HIP1: variants seen among roughly 807,000 people sequenced by gnomAD.
The protein encoded by HIP1 is huntingtin-interacting protein 1.
HIP1 carries 65 observed loss-of-function variants against 147.6 expected under a neutral mutation model. That is an observed-to-expected ratio of 0.44 (90% CI 0.36 to 0.54). The LOEUF (loss-of-function observed/expected upper bound fraction) is 0.54, where lower values mean the gene tolerates loss of function less well. HIP1 is among the 20% of genes least tolerant of loss of function. The probability of loss-of-function intolerance (pLI) is 0.00; values close to 1 mark genes in which losing one functional copy is unlikely to be tolerated. For synonymous variants in HIP1, 479 were observed against 504.0 expected, an observed-to-expected ratio of 0.95 and a Z score of 0.67; for missense variants, 1,061 against 1,299.6, an observed-to-expected ratio of 0.82 and a Z score of 2.82.
intron 4 of HIP1, among the ~76,000 whole-genome samples, chr7:75,589,726 T>G (rs1173941692): frequency 1.6e-4 from 24 of 150,056 alleles, no homozygotes; most frequent in African/African-American, 2.2e-4. Context: ...GACTTTTTTT[T>G]TGGGTTTTTT....
chr7:75,586,945 AT>A, intron 4 of HIP1, 112 bp from the exon 5 acceptor site: 1 of 720,830 alleles, frequency 1.4e-6, no homozygotes, highest in Non-Finnish European at 2.5e-6. Context: ...TCTCCCCTTT[AT>A]TTTATTTATT....
rs184054350 is a variant in HIP1 at position 75,683,032 on chromosome 7, G to A, written c.120+55769C>T. On this transcript the variant is annotated intron_variant, in intron 1 of 30. Coordinates refer to ENST00000336926, the MANE Select transcript of HIP1 (RefSeq NM_005338.7). ...GAGTCTCGCTCTGTCGCCCAGGCTAGAGTGCAGTGGTGCGATCTCGGCTCA... is the reference window on the plus strand; with the variant it reads ...GAGTCTCGCTCTGTCGCCCAGGCTAAAGTGCAGTGGTGCGATCTCGGCTCA... 2.4e-3 allele frequency among the ~76,000 whole-genome samples: 360 copies of A among 152,014 alleles called. 1 individual carries two copies. The highest frequency in any genetic ancestry group is 4.2e-3 in the Non-Finnish European group (285 of 67,966).
chr7:75,673,826 A>C (rs1201114108), intron 1 of HIP1, among the ~76,000 whole-genome samples: 2 of 150,086 alleles, frequency 1.3e-5, no homozygotes, highest in Admixed American at 6.7e-5. Flanking sequence ...TCTACAAAAA[A>C]AAAAAAAAAA....
At chr7:75,720,571 T>A (rs1354457215) in intron 1 of HIP1, among the ~76,000 whole-genome samples, 6 of 152,236 alleles carry the variant, frequency 3.9e-5, no homozygotes, top group Non-Finnish European at 7.3e-5. Context: ...GCTGCCAGCC[T>A]GCAATCACTT....
intron 1 of HIP1, among the ~76,000 whole-genome samples, chr7:75,620,770 C>T (rs1797821406): frequency 6.6e-6 from 1 of 151,944 alleles, no homozygotes; most frequent in Non-Finnish European, 1.5e-5. Flanking sequence ...CCTCACGGAG[C>T]TTATATTTTA....
At chr7:75,699,316 A>G (rs1554519010) in intron 1 of HIP1, among the ~76,000 whole-genome samples, 1 of 152,142 alleles carries the variant, frequency 6.6e-6, no homozygotes, top group South Asian at 2.1e-4. Flanking sequence ...TTGCTGATAT[A>G]CTAGAAAATA....
intron 1 of HIP1, among the ~76,000 whole-genome samples, chr7:75,690,371 A>G (rs1800408388): frequency 6.6e-6 from 1 of 152,218 alleles, no homozygotes; most frequent in Admixed American, 6.5e-5. Context: ...AAGACGCTTA[A>G]CATCATTAGC....
At chr7:75,660,533 G>A (rs945171110) in intron 1 of HIP1, among the ~76,000 whole-genome samples, 3 of 151,916 alleles carry the variant, frequency 2.0e-5, no homozygotes, top group Admixed American at 2.0e-4. Flanking sequence ...TCTCAAAAAC[G>A]AAAACACACA....
chr7:75,730,255 G>C (rs568706339), intron 1 of HIP1, among the ~76,000 whole-genome samples: 1 of 152,218 alleles, frequency 6.6e-6, no homozygotes, highest in South Asian at 2.1e-4. Context: ...GAAGAGAGCA[G>C]AGGGTGCCAG....
At chr7:75,629,671 T>G (rs1390247163) in intron 1 of HIP1, among the ~76,000 whole-genome samples, 1 of 152,002 alleles carries the variant, frequency 6.6e-6, no homozygotes. Context: ...GCCTCCTGAA[T>G]AGCTGGGATT....
chr7:75,729,305 CAAAAAAAAA>C (rs35202804), intron 1 of HIP1, among the ~76,000 whole-genome samples: 8 of 49,210 alleles, frequency 1.6e-4, no homozygotes, highest in African/African-American at 4.1e-4. Flanking sequence ...CTTGTCTCTG[CAAAAAAAAA>C]AAAAAAAAAA....
rs1459485440 is a variant in HIP1, at chr7:75,595,219, T to C, written c.185-2705A>G. 4.4e-5 allele frequency among the ~76,000 whole-genome samples: 4 copies of C among 90,568 alleles called. No individual in the cohort carries two copies. The South Asian group carries it at 1.7e-3, about 37-fold the overall frequency. The allele number at this position is 90,568 out of a possible 152,430, so 59.4% of individuals were successfully genotyped here. On this transcript the variant is annotated intron_variant, in intron 2 of 30. Coordinates refer to ENST00000336926, the MANE Select transcript of HIP1 (RefSeq NM_005338.7). ...TTCTTTCTTTCTTTCTTTCTTTCTT[T>C]CTTTCTTTCTTTCTTTCTTTCTTTC...
chr7:75,657,219 A>C (rs1226238016), intron 1 of HIP1, among the ~76,000 whole-genome samples: 5 of 152,210 alleles, frequency 3.3e-5, no homozygotes, highest in African/African-American at 1.2e-4. Context: ...ACACCATAGA[A>C]TACTACGTAG....
In HIP1 at chr7:75,539,336, C is replaced by G. The variant is rs1584766852; in HGVS notation, c.3048G>C (p.Glu1016Asp). 6.2e-7 allele frequency: 1 copy of G among 1,613,852 alleles called. No individual in the cohort carries two copies. Residue 1016 changes from glutamate to aspartate, a missense_variant, in exon 30 of 31, where the codon GAG becomes GAC. Physicochemically the swap from Glu to Asp is conservative, Grantham distance 45 (BLOSUM62 2). Coordinates refer to ENST00000336926, the MANE Select transcript of HIP1 (RefSeq NM_005338.7). ...GAGTCAGCTTACCTTCTTCCCAGCC[C>G]TCAGCAACACCAGCAAGCTCGTAGT... is the stretch of plus-strand genomic sequence containing the variant. Reference protein sequence around the residue: ...KKHYELAGVAEGWEEGTEASP... With the variant: ...KKHYELAGVADGWEEGTEASP...
At chr7:75,674,986 G>T (rs1355455773) in intron 1 of HIP1, among the ~76,000 whole-genome samples, 2 of 151,412 alleles carry the variant, frequency 1.3e-5, no homozygotes, top group Non-Finnish European at 2.9e-5. Context: ...ATTTTTCATC[G>T]AATTTAGCAT....
intron 1 of HIP1, among the ~76,000 whole-genome samples, chr7:75,671,770 G>A (rs1235264108): frequency 1.1e-5 from 1 of 87,028 alleles, no homozygotes; most frequent in South Asian, 3.6e-4. Context: ...ATGGAGTCTC[G>A]CTCTACCAGG....
At chr7:75,563,690 C>T (rs782635908) in intron 9 of HIP1, among the ~76,000 whole-genome samples, 9 of 152,184 alleles carry the variant, frequency 5.9e-5, no homozygotes, top group Non-Finnish European at 1.3e-4. Context: ...TTCATTACTT[C>T]TCTTTGTTTT....
intron 1 of HIP1, among the ~76,000 whole-genome samples, chr7:75,677,408 C>A (rs1554516203): frequency 1.3e-5 from 2 of 149,384 alleles, no homozygotes; most frequent in African/African-American, 4.9e-5. Flanking sequence ...GAGTTCGAAA[C>A]CACCTGGCCA....
intron 1 of HIP1, among the ~76,000 whole-genome samples, chr7:75,696,958 A>C (rs1800660285): frequency 6.8e-6 from 1 of 148,014 alleles, no homozygotes; most frequent in Non-Finnish European, 1.5e-5. Flanking sequence ...TCCTCCCCCC[A>C]TCCCAAAATG....
Sources: allele counts gnomAD v4.1 joint callset (sites outside exome capture counted in the v4.1 genomes callset), GRCh38; gene constraint gnomAD v4.1.1; transcripts MANE v1.5; gene names NCBI Gene and HGNC (gene_info 2026-07-23, HGNC 2026-07-21).